The following ENTPD2 variants were observed in gnomAD, a reference collection of about 807,000 sequenced individuals.
ENTPD2 encodes ectonucleoside triphosphate diphosphohydrolase 2, also known as CD39 antigen-like 1.
ENTPD2 carries 48 observed loss-of-function variants against 46.8 expected under a neutral mutation model. The ratio of observed to expected loss-of-function variants is 1.03; its 90% CI spans 0.81 to 1.30. The LOEUF is 1.30. Ranked by LOEUF, ENTPD2 falls within the 50% of genes most tolerant of loss-of-function variation. The pLI is 0.00. For missense variants in ENTPD2, 707 were observed against 651.1 expected (o/e 1.09, Z -0.93); for synonymous variants, 316 against 286.1 (o/e 1.10, Z -1.06).
At chr9:137,050,176 G>A in intron 6 of ENTPD2, 108 bp downstream of exon 6, 2 of 811,364 alleles carry the variant, frequency 2.5e-6, no homozygotes, top group Non-Finnish European at 4.0e-6. Context: ...CCCTACCCAC[G>A]ACAAAGTTCC....
rs1185303371 is a variant in ENTPD2 at position 137,048,487 on chromosome 9, G to C, written c.*170C>G. 1 of 564,340 alleles carries C rather than the reference G, an allele frequency of 1.8e-6. No individual in the cohort carries two copies. The highest frequency in any genetic ancestry group is 3.3e-5 in the East Asian group (1 of 30,644). 35.0% of individuals were successfully genotyped at this position (564,340 alleles called of 1,614,324 possible). The stretch of plus-strand genomic sequence containing the variant: ...GTGGGGTGGAGCGGTGGGGGATAGA[G>C]GGTGGGTGGAGGAATGCAGGATACA... On this transcript the variant is annotated 3_prime_UTR_variant, in exon 9 of 9. Transcript: ENST00000355097.
At chr9:137,052,206 C>T in intron 2 of ENTPD2, 25 bp downstream of exon 2, 4 of 1,606,036 alleles carry the variant, frequency 2.5e-6, no homozygotes, top group Non-Finnish European at 3.4e-6. Flanking sequence ...AGTGGGCGTC[C>T]TGGCTGGGCT....
intron 7 of ENTPD2, chr9:137,049,531 C>T: frequency 4.6e-6 from 2 of 432,676 alleles, no homozygotes; most frequent in Non-Finnish European, 8.4e-6. Context: ...CTTGGAGTCT[C>T]CGGTGGGCAC....
At chr9:137,049,420 G>T in intron 7 of ENTPD2, 4 of 553,888 alleles carry the variant, frequency 7.2e-6, no homozygotes, top group Non-Finnish European at 1.3e-5. Context: ...CTCGCCGCCT[G>T]TCCCCACCTC....
At position 137,049,760 on chromosome 9, in the gene ENTPD2, C is replaced by T. The variant is rs932155291; in HGVS notation, c.1149+110G>A. 6.3e-6 allele frequency: 8 copies of T among 1,270,206 alleles called. No homozygotes were observed. In the African/African-American group the frequency reaches 1.2e-4, roughly 19 times the overall value. The allele number at this position is 1,270,206 out of a possible 1,614,324, so 78.7% of individuals were successfully genotyped here. On this transcript the variant is annotated intron_variant, in intron 7 of 8. Coordinates refer to ENST00000355097, the MANE Select transcript of ENTPD2 (RefSeq NM_203468.3). ...GTCAGCCTAATGCCTGCCATCGCCC[C>T]CACTGCAGCGGGTGCTCCGAGAGGC... is the stretch of plus-strand genomic sequence containing the variant.
rs369266590 is a variant in ENTPD2 at position 137,049,940 on chromosome 9, C to T, written c.1079G>A (p.Gly360Glu). The T allele has an allele frequency of 5.0e-6, 8 of 1,612,446 alleles. No individual in the cohort carries two copies. The highest frequency in any genetic ancestry group is 6.8e-6 in the Non-Finnish European group (8 of 1,179,834). ...YTVDFLRTSM[G>E]LPVATLQQLE... ...CTGCTGCAGGGTGGCCACGGGCAGC[C>T]CCATCGAAGTCCGCAAAAAGTCCAC... Residue 360 changes from glycine (G) to glutamate (E), a missense_variant, in exon 7 of 9, where the codon GGG becomes GAG. Coordinates refer to ENST00000355097, the MANE Select transcript of ENTPD2 (RefSeq NM_203468.3).
In ENTPD2 at chr9:137,050,983, C is replaced by A. The variant is rs1832279127; in HGVS notation, c.693G>T (p.Gln231His). Residue 231 changes from glutamine to histidine, a missense_variant, in exon 5 of 9, where the codon CAG becomes CAT. By Grantham distance (24) the Gln-to-His change is conservative. Coordinates refer to ENST00000355097, the MANE Select transcript of ENTPD2 (RefSeq NM_203468.3). ...ASEVQLHLYG[Q>H]HYRVYTHSFL... Reference sequence around the variant, plus strand: ...AGCTGTGGGTGTAGACTCGGTAGTGCTGGCCGTAGAGATGCAGCTGGACCT... The same window carrying A: ...AGCTGTGGGTGTAGACTCGGTAGTGATGGCCGTAGAGATGCAGCTGGACCT... 6.4e-7 allele frequency: 1 copy of A among 1,554,922 alleles called. No individual in the cohort carries two copies. The highest frequency in any genetic ancestry group is 8.7e-7 in the Non-Finnish European group (1 of 1,147,506).
At position 137,050,558 on chromosome 9, in the gene ENTPD2, G is replaced by A. The variant is rs1466465972; in HGVS notation, c.775-20C>T. On this transcript the variant is annotated intron_variant, in intron 5 of 8. Transcript: ENST00000355097. ...GTGGGTCTGGGGGAATCACCAGCGT[G>A]ACAGGGTGGCACCACCACCGCTCCA... 6.2e-7 allele frequency: 1 copy of A among 1,607,788 alleles called. No homozygotes were observed. Among genetic ancestry groups the A allele is most frequent in the South Asian group, 1.1e-5 (1 of 90,718 alleles).
chr9:137,049,111 C>T (rs1438113533), intron 7 of ENTPD2, 36 bp from the exon 8 acceptor site: 1 of 1,531,064 alleles, frequency 6.5e-7, no homozygotes, highest in Middle Eastern at 1.7e-4. Context: ...GGCAGGCGAC[C>T]ACCAGGAGGT....
chr9:137,050,297 G>GCCACCCGCCTGCCCCTACTCA lies in ENTPD2; in HGVS notation c.1015_1016insTGAGTAGGGGCAGGCGGGTGG (p.Val338_Ala339insValSerArgGlyArgArgVal), dbSNP rs747267546. On this transcript the variant is annotated inframe_insertion, in exon 6 of 9. Transcript: ENST00000355097. Reference sequence around the variant, plus strand: ...GCCCCTACTCACCACAAAGTTCCCAGCCACTGGGGGCTGGAAGACCCCATT... The same window carrying GCCACCCGCCTGCCCCTACTCA: ...GCCCCTACTCACCACAAAGTTCCCAGCCACCCGCCTGCCCCTACTCACCACTGGGGGCTGGAAGACCCCATT... The GCCACCCGCCTGCCCCTACTCA allele has an allele frequency of 6.2e-7, 1 of 1,603,284 alleles. No homozygotes were observed. Among genetic ancestry groups the GCCACCCGCCTGCCCCTACTCA allele is most frequent in the Admixed American group, 1.7e-5 (1 of 59,082 alleles).
chr9:137,050,689 C>G, intron 5 of ENTPD2, 151 bp from the exon 6 acceptor site: 1 of 1,358,768 alleles, frequency 7.4e-7, no homozygotes, highest in South Asian at 1.5e-5. Flanking sequence ...GATCCCAACG[C>G]CCCTGACCAG....
Position 137,048,660 on chromosome 9 carries a change from A to G in ENTPD2, c.1485T>C (p.Ile495=), listed in dbSNP as rs17853460. ...QVHSAKLPST[I] is the part of the protein sequence containing the mutation. Reference sequence around the variant, plus strand: ...GGGCAGCTGCCCCCGTCGGCCCCTAAATGGTGCTTGGCAGCTTGGCGGAGT... The same window carrying G: ...GGGCAGCTGCCCCCGTCGGCCCCTAGATGGTGCTTGGCAGCTTGGCGGAGT... Residue 495 remains isoleucine, a synonymous_variant, in exon 9 of 9, where the codon ATT becomes ATC. Transcript: ENST00000355097. 381,990 of 1,585,384 alleles carry G rather than the reference A, an allele frequency of 0.24. 47,317 individuals carry two copies. The highest frequency in any genetic ancestry group is 0.36 in the East Asian group (15,451 of 43,514).
At chr9:137,053,132 C>CAGAGCAT (rs1347784715) in intron 1 of ENTPD2, 3 of 152,532 alleles carry the variant, frequency 2.0e-5, no homozygotes, top group African/African-American at 4.8e-5. Context: ...CCCCAGAGCC[C>CAGAGCAT]AGAGCATCAA....
chr9:137,048,470 G>C lies in ENTPD2; in HGVS notation c.*187C>G. ...GGATGGAGAAGACAGTGGTGGGGTG[G>C]AGCGGTGGGGGATAGAGGGTGGGTG... On this transcript the variant is annotated 3_prime_UTR_variant, in exon 9 of 9. Coordinates refer to ENST00000355097, the MANE Select transcript of ENTPD2 (RefSeq NM_203468.3). 1 of 550,018 alleles carries C rather than the reference G, an allele frequency of 1.8e-6. No individual in the cohort carries two copies. Among genetic ancestry groups the C allele is most frequent in the Non-Finnish European group, 3.2e-6 (1 of 314,022 alleles). The allele number at this position is 550,018 out of a possible 1,614,324, so 34.1% of individuals were successfully genotyped here.
intron 7 of ENTPD2, 27 bp from the exon 8 acceptor site, chr9:137,049,102 G>T (rs1415024703): frequency 6.5e-7 from 1 of 1,530,772 alleles, no homozygotes; most frequent in Non-Finnish European, 8.7e-7. Flanking sequence ...ACACCGTCAG[G>T]CAGGCGACCA....
In ENTPD2 at chr9:137,051,238, G is replaced by A. The variant is rs780458762; in HGVS notation, c.519C>T (p.Ala173=). Residue 173 remains alanine, a synonymous_variant, in exon 4 of 9, where the codon GCC becomes GCT. Coordinates refer to ENST00000355097, the MANE Select transcript of ENTPD2 (RefSeq NM_203468.3). ...QEEGVFGWVT[A]NYLLENFIKY... The stretch of plus-strand genomic sequence containing the variant: ...TGATGAAGTTCTCCAGCAGGTAGTT[G>A]GCAGTCACCCAGCCAAACACCCCCT... 6.2e-7 allele frequency: 1 copy of A among 1,612,802 alleles called. No individual in the cohort carries two copies.
At chr9:137,049,432 C>G (rs1832215277) in intron 7 of ENTPD2, 4 of 533,070 alleles carry the variant, frequency 7.5e-6, no homozygotes, top group South Asian at 1.8e-5. Flanking sequence ...CCCCACCTCC[C>G]TCACCCCAGT....
Position 137,051,117 on chromosome 9 carries a change from C to T in ENTPD2, c.559G>A (p.Gly187Ser), listed in dbSNP as rs776007084. 8 of 1,612,722 alleles carry T rather than the reference C, an allele frequency of 5.0e-6. No homozygotes were observed. Among genetic ancestry groups the T allele is most frequent in the Non-Finnish European group, 6.8e-6 (8 of 1,180,014 alleles). The part of the protein sequence containing the change: ...LENFIKYGWV[G>S]RWFRPRKGTL... Reference sequence around the variant, plus strand: ...CCCTTCCGTGGCCGGAACCACCGGCCCACCCAGCCGTACTGTGGAGAGGGG... The same window carrying T: ...CCCTTCCGTGGCCGGAACCACCGGCTCACCCAGCCGTACTGTGGAGAGGGG... Residue 187 changes from glycine (G) to serine (S), a missense_variant, in exon 5 of 9, where the codon GGC (glycine) becomes AGC (serine). Coordinates refer to ENST00000355097, the MANE Select transcript of ENTPD2 (RefSeq NM_203468.3).
chr9:137,049,946 G>A lies in ENTPD2; in HGVS notation c.1073C>T (p.Ser358Leu), dbSNP rs764578453. The change falls in exon 7 of 9, where the codon TCG becomes TTG. Residue 358 changes from serine to leucine, a missense_variant. Ser to Leu is a moderately radical substitution (Grantham distance 145, BLOSUM62 -2). Transcript: ENST00000355097. ...FFYTVDFLRT[S>L]MGLPVATLQQ... is the part of the protein sequence containing the mutation. Reference sequence around the variant, plus strand: ...CAGGGTGGCCACGGGCAGCCCCATCGAAGTCCGCAAAAAGTCCACAGTGTA... The same window carrying A: ...CAGGGTGGCCACGGGCAGCCCCATCAAAGTCCGCAAAAAGTCCACAGTGTA... The A allele has an allele frequency of 6.8e-6, 11 of 1,612,486 alleles. No individual in the cohort carries two copies. The Admixed American group carries it at 8.3e-5, about 12-fold the overall frequency.
Sources: allele counts gnomAD v4.1 joint callset, GRCh38; gene constraint gnomAD v4.1.1; transcripts MANE v1.5; gene names NCBI Gene and HGNC (gene_info 2026-07-23, HGNC 2026-07-21).